The following PTER variants were observed in gnomAD, a reference collection of about 807,000 sequenced individuals.
PTER encodes the protein phosphotriesterase related.
Under a neutral mutation model 29.6 loss-of-function variants are expected in PTER, and 38 were observed. The observed-to-expected ratio is 1.28, with a 90% CI of 0.99 to 1.68. PTER has a LOEUF of 1.68. PTER is among the 40% of genes most tolerant of loss of function. The pLI, the probability that PTER is intolerant of heterozygous loss-of-function variation, is 0.00. For synonymous variants in PTER, 172 were observed against 154.5 expected (o/e 1.11, Z -0.84); for missense variants, 482 against 427.8 (o/e 1.13, Z -1.12).
chr10:16,513,767 A>G (rs1035870130), downstream of PTER: 1 of 152,622 alleles, frequency 6.6e-6, no homozygotes, highest in African/African-American at 2.4e-5. Context: ...TCAGTTGACA[A>G]AATGGACACA....
At chr10:16,478,032 G>A (rs1835341929) in intron 1 of PTER, among the ~76,000 whole-genome samples, 1 of 152,142 alleles carries the variant, frequency 6.6e-6, no homozygotes, top group Non-Finnish European at 1.5e-5. Context: ...GATAACCATT[G>A]TATTCAAATA....
At chr10:16,462,237 C>T (rs992635795) in intron 1 of PTER, among the ~76,000 whole-genome samples, 63 of 152,262 alleles carry the variant, frequency 4.1e-4, no homozygotes, top group African/African-American at 9.9e-4. Context: ...CCACCCGCCT[C>T]GGCCTCCCAA....
intron 1 of PTER, among the ~76,000 whole-genome samples, chr10:16,464,640 G>T (rs976820235): frequency 2.0e-5 from 3 of 152,064 alleles, no homozygotes; most frequent in Non-Finnish European, 2.9e-5. Flanking sequence ...AGCCTTTACG[G>T]GATGCTTTAA....
At chr10:16,500,616 G>T (rs959149657) in intron 3 of PTER, among the ~76,000 whole-genome samples, 5 of 152,198 alleles carry the variant, frequency 3.3e-5, no homozygotes, top group African/African-American at 1.2e-4. Context: ...TCTTCCTCTA[G>T]AAAGACATCT....
chr10:16,458,895 C>T (rs889743271), intron 1 of PTER, among the ~76,000 whole-genome samples: 8 of 152,122 alleles, frequency 5.3e-5, no homozygotes, highest in African/African-American at 1.7e-4. Flanking sequence ...GCATAAAGCA[C>T]CTTACCTCCC....
intron 1 of PTER, among the ~76,000 whole-genome samples, chr10:16,450,373 G>C (rs1186929154): frequency 6.6e-6 from 1 of 152,200 alleles, no homozygotes; most frequent in Non-Finnish European, 1.5e-5. Context: ...CAGTATGGGT[G>C]GAAGAGGGGA....
intron 1 of PTER, among the ~76,000 whole-genome samples, chr10:16,466,808 T>C (rs201190155): frequency 1.3e-5 from 2 of 152,358 alleles, no homozygotes; most frequent in East Asian, 3.9e-4. Flanking sequence ...AACTGAATCA[T>C]ACAGCCTTTC....
At chr10:16,446,120 C>T (rs1834003160) in intron 1 of PTER, among the ~76,000 whole-genome samples, 1 of 152,150 alleles carries the variant, frequency 6.6e-6, no homozygotes, top group South Asian at 2.1e-4. Flanking sequence ...ACTGACATTA[C>T]TGAGACTTTG....
chr10:16,478,335 G>GTTTTTTTTTTTTTTTT (rs34168657), intron 1 of PTER, among the ~76,000 whole-genome samples: 1 of 140,250 alleles, frequency 7.1e-6, no homozygotes, highest in African/African-American at 2.6e-5. Context: ...CCTCGTTTCC[G>GTTTTTTTTTTTTTTTT]TTTTTTTTTT....
At chr10:16,478,335 G>GT (rs34168657) in intron 1 of PTER, among the ~76,000 whole-genome samples, 63,111 of 140,022 alleles carry the variant, frequency 0.45, 14,858 homozygotes, top group African/African-American at 0.6. Context: ...CCTCGTTTCC[G>GT]TTTTTTTTTT....
At chr10:16,490,331 G>GC (rs1835852940) in intron 3 of PTER, among the ~76,000 whole-genome samples, 1 of 152,102 alleles carries the variant, frequency 6.6e-6, no homozygotes, top group Admixed American at 6.6e-5. Flanking sequence ...AGGTGAACTA[G>GC]CCAGGGACCA....
chr10:16,438,215 A>G lies in PTER; in HGVS notation c.-49+1168A>G, dbSNP rs573879068. 6.6e-4 allele frequency among the ~76,000 whole-genome samples: 101 copies of G among 152,196 alleles called. 1 individual carries two copies. Among genetic ancestry groups the G allele is most frequent in the African/African-American group, 2.3e-3 (94 of 41,534 alleles). On this transcript the variant is annotated intron_variant, in intron 1 of 4. Transcript: ENST00000535784. Reference sequence around the variant, plus strand: ...GAGACGGGGTTTCACCATACTGGCCAGGCTGATCTCGAACTCCTGACCTTG... The same window carrying G: ...GAGACGGGGTTTCACCATACTGGCCGGGCTGATCTCGAACTCCTGACCTTG...
At chr10:16,506,005 A>G (rs1442292985) in intron 4 of PTER, among the ~76,000 whole-genome samples, 2 of 148,550 alleles carry the variant, frequency 1.3e-5, no homozygotes. Context: ...TTCTCAAGGA[A>G]AGGTCGAGGA....
Position 16,484,608 on chromosome 10 carries a change from A to G in PTER, c.224A>G (p.Gln75Arg). ...CATAAAGAAAACCTTCAATTAAATC[A>G]GGAGACAGAAGCCATAAAGGAAGAA... is the stretch of plus-strand genomic sequence containing the variant. ...YSHKENLQLN[Q>R]ETEAIKEELL... is the part of the protein sequence containing the mutation. Residue 75 changes from glutamine (Q) to arginine (R), a missense_variant, in exon 2 of 5, where the codon CAG becomes CGG. Transcript: ENST00000535784. The G allele has an allele frequency of 1.2e-6, 2 of 1,614,192 alleles. No homozygotes were observed. Among genetic ancestry groups the G allele is most frequent in the Non-Finnish European group, 8.5e-7 (1 of 1,180,010 alleles).
chr10:16,454,408 C>G lies in PTER; in HGVS notation c.-49+17361C>G, dbSNP rs139648864. On this transcript the variant is annotated intron_variant, in intron 1 of 4. Transcript: ENST00000535784. ...TGGGCAACATGGCAAAACTCCATCTCTACTAAAAATACAAAAAATTAGCCA... is the reference window on the plus strand; with the variant it reads ...TGGGCAACATGGCAAAACTCCATCTGTACTAAAAATACAAAAAATTAGCCA... Among the ~76,000 whole-genome samples, 772 of 152,126 alleles carry G rather than the reference C, an allele frequency of 5.1e-3. 5 individuals are homozygous for G. The highest frequency in any genetic ancestry group is 0.01 in the Middle Eastern group (3 of 294).
At chr10:16,483,676 C>T (rs1835568103) in intron 1 of PTER, among the ~76,000 whole-genome samples, 1 of 152,038 alleles carries the variant, frequency 6.6e-6, no homozygotes, top group Non-Finnish European at 1.5e-5. Flanking sequence ...AGGGAAACCC[C>T]ATCTCCTAAA....
In PTER at chr10:16,482,839, T is replaced by C. The variant is rs1835529263; in HGVS notation, c.-48-1498T>C. Among the ~76,000 whole-genome samples the C allele has an allele frequency of 2.0e-5, 3 of 152,260 alleles. No homozygotes were observed. In the South Asian group the frequency reaches 6.2e-4, roughly 32 times the overall value. On this transcript the variant is annotated intron_variant, in intron 1 of 4. Transcript: ENST00000535784. ...CTCTGTTTCCCAGGCTGGAGTGCAG[T>C]GGCGCGATCTCGGCTCACTGCAACC...
intron 1 of PTER, among the ~76,000 whole-genome samples, chr10:16,447,812 A>G (rs1386473352): frequency 1.3e-5 from 2 of 152,156 alleles, no homozygotes; most frequent in East Asian, 1.9e-4. Flanking sequence ...TCAACTGATC[A>G]TAGGGAACTC....
At chr10:16,497,599 CT>C (rs1355034836) in intron 3 of PTER, among the ~76,000 whole-genome samples, 1 of 152,144 alleles carries the variant, frequency 6.6e-6, no homozygotes, top group African/African-American at 2.4e-5. Flanking sequence ...TTATTTGAAA[CT>C]GTAAAGCCCA....
Sources: allele counts gnomAD v4.1 joint callset (sites outside exome capture counted in the v4.1 genomes callset), GRCh38; gene constraint gnomAD v4.1.1; transcripts MANE v1.5; gene names NCBI Gene and HGNC (gene_info 2026-07-23, HGNC 2026-07-21).